GMPR: variants seen among roughly 807,000 people sequenced by gnomAD.
The protein encoded by GMPR is GMP reductase 1.
In GMPR, 31 loss-of-function variants were observed where a neutral mutation model predicts 38.4. The observed-to-expected ratio is 0.81, with a 90% CI of 0.61 to 1.09. The LOEUF (loss-of-function observed/expected upper bound fraction) is 1.09, where lower values mean the gene tolerates loss of function less well. Among genes scored for constraint, GMPR ranks in the 50% least tolerant of loss-of-function variants. GMPR has a pLI of 0.00. For synonymous variants in GMPR, 162 were observed against 173.3 expected (o/e 0.93, Z 0.51); for missense variants, 468 against 453.7 (o/e 1.03, Z -0.29).
At chr6:16,244,304 C>T (rs865797439) in intron 1 of GMPR, among the ~76,000 whole-genome samples, 9 of 151,562 alleles carry the variant, frequency 5.9e-5, no homozygotes, top group African/African-American at 9.7e-5. Flanking sequence ...CCTCAGCCTC[C>T]GGTGTTCAAT....
chr6:16,246,411 G>A (rs985767940), intron 1 of GMPR, among the ~76,000 whole-genome samples: 1 of 152,218 alleles, frequency 6.6e-6, no homozygotes, highest in Non-Finnish European at 1.5e-5. Context: ...TTAATTGTGT[G>A]GCGCTCACTG....
chr6:16,290,308 CAGG>C (rs937138459), intron 7 of GMPR, 151 bp from the exon 8 acceptor site: 10 of 700,268 alleles, frequency 1.4e-5, no homozygotes, highest in Non-Finnish European at 2.5e-5. Context: ...TCCCTTTTTC[CAGG>C]AGGAGACAGG....
chr6:16,289,985 A>G (rs997345993), intron 7 of GMPR: 1 of 145,008 alleles, frequency 6.9e-6, no homozygotes, highest in Non-Finnish European at 1.5e-5. Context: ...TTTCCGGCTA[A>G]TTTTTGTATT....
chr6:16,276,433 C>A (rs780699251), intron 5 of GMPR, among the ~76,000 whole-genome samples: 7 of 152,126 alleles, frequency 4.6e-5, no homozygotes, highest in South Asian at 2.1e-4. Flanking sequence ...GGCCTCCCAA[C>A]GTGCTGGGAT....
intron 8 of GMPR, among the ~76,000 whole-genome samples, chr6:16,293,167 C>T (rs1046797163): frequency 3.3e-5 from 5 of 152,114 alleles, no homozygotes; most frequent in Admixed American, 2.0e-4. Flanking sequence ...ACGCTGTGCC[C>T]GGGAGGCAAA....
intron 3 of GMPR, among the ~76,000 whole-genome samples, chr6:16,253,458 G>A (rs1163116637): frequency 4.6e-5 from 7 of 152,152 alleles, no homozygotes; most frequent in African/African-American, 2.4e-5. Flanking sequence ...GGTGGAAGGC[G>A]AAGTGGGAGA....
chr6:16,273,507 A>G (rs1252518413), intron 4 of GMPR, among the ~76,000 whole-genome samples: 1 of 152,152 alleles, frequency 6.6e-6, no homozygotes, highest in Non-Finnish European at 1.5e-5. Flanking sequence ...AGATTCTGCC[A>G]CTTCCTGGAG....
intron 4 of GMPR, among the ~76,000 whole-genome samples, chr6:16,261,761 A>G (rs1561824358): frequency 2.0e-5 from 3 of 151,954 alleles, no homozygotes; most frequent in Admixed American, 6.6e-5. Flanking sequence ...GGTAAGGGTT[A>G]TTAGGTTTTA....
chr6:16,288,664 G>A (rs1375594793), intron 7 of GMPR, among the ~76,000 whole-genome samples: 1 of 152,234 alleles, frequency 6.6e-6, no homozygotes, highest in African/African-American at 2.4e-5. Flanking sequence ...GGACTGGTGG[G>A]CAGCTCCATC....
intron 1 of GMPR, among the ~76,000 whole-genome samples, chr6:16,241,251 G>A (rs2113664854): frequency 6.6e-6 from 1 of 152,232 alleles, no homozygotes; most frequent in South Asian, 2.1e-4. Flanking sequence ...AGGGAGGAGG[G>A]TTTTGACAGC....
chr6:16,260,023 G>C lies in GMPR; in HGVS notation c.465+5288G>C, dbSNP rs534576062. Among the ~76,000 whole-genome samples, 85 of 152,230 alleles carry C rather than the reference G, an allele frequency of 5.6e-4. 1 individual carries two copies. Among genetic ancestry groups the C allele is most frequent in the Middle Eastern group, 3.4e-3 (1 of 294 alleles). ...TTTTTTTGGGGCACAGTCTAAGTTG[G>C]TCTGGTGTCTGGAATGAGACTGGGG... On this transcript the variant is annotated intron_variant, in intron 4 of 8. Transcript: ENST00000259727.
In GMPR at chr6:16,254,570, C is replaced by T. The variant is rs758501026; in HGVS notation, c.300C>T (p.Ala100=). ...GGTTTATTTTGGTGCAGAATGTAGCCGTGAGTTCAGGCAGTGGGCAGAATG... is the reference window on the plus strand; with the variant it reads ...GGTTTATTTTGGTGCAGAATGTAGCTGTGAGTTCAGGCAGTGGGCAGAATG... ...TNHPECLQNV[A]VSSGSGQNDL... The change falls in exon 4 of 9, where the codon GCC becomes GCT. Residue 100 remains alanine, a synonymous_variant. Transcript: ENST00000259727. 1.2e-5 allele frequency: 19 copies of T among 1,613,488 alleles called. No homozygotes were observed. The highest frequency in any genetic ancestry group is 2.7e-5 in the African/African-American group (2 of 74,894).
At position 16,273,811 on chromosome 6, in the gene GMPR, A is replaced by ATTT. The variant is rs772416416; in HGVS notation, c.466-584_466-582dup. Among the ~76,000 whole-genome samples the ATTT allele has an allele frequency of 1.2e-3, 133 of 112,812 alleles. 1 individual carries two copies. The highest frequency in any genetic ancestry group is 3.5e-3 in the African/African-American group (96 of 27,296). 74.0% of individuals were successfully genotyped at this position (112,812 alleles called of 152,430 possible). On this transcript the variant is annotated intron_variant, in intron 4 of 8. Coordinates refer to ENST00000259727, the MANE Select transcript of GMPR (RefSeq NM_006877.4). ...TTTTGTATTTGGGGGTCCCTCTAAG[A>ATTT]TTTTTTTTTTTTTTTTTTTTTTGAG... is the stretch of plus-strand genomic sequence containing the variant.
At position 16,279,238 on chromosome 6, in the gene GMPR, C is replaced by T. The variant is rs536480165; in HGVS notation, c.654+348C>T. 1.8e-4 allele frequency among the ~76,000 whole-genome samples: 28 copies of T among 152,302 alleles called. No individual in the cohort carries two copies. The South Asian group carries it at 3.5e-3, about 19-fold the overall frequency. ...TTTCAGTGTCTCACCATTCTGGAGA[C>T]GAGAAGCCCAACATCAGGGTGTTGG... is the stretch of plus-strand genomic sequence containing the variant. On this transcript the variant is annotated intron_variant, in intron 6 of 8. Coordinates refer to ENST00000259727, the MANE Select transcript of GMPR (RefSeq NM_006877.4).
intron 4 of GMPR, among the ~76,000 whole-genome samples, chr6:16,267,470 G>T (rs966774017): frequency 6.6e-6 from 1 of 151,076 alleles, no homozygotes; most frequent in Admixed American, 6.6e-5. Context: ...AACTCCGGAC[G>T]GTGCCACTTT....
intron 4 of GMPR, among the ~76,000 whole-genome samples, chr6:16,272,389 A>G (rs1759402782): frequency 6.6e-6 from 1 of 152,168 alleles, no homozygotes; most frequent in South Asian, 2.1e-4. Context: ...AGAGAATCTT[A>G]GAAGAATTAT....
chr6:16,289,848 A>ATTTTTTTTTTTTTTTTTTTTTTTTTT (rs546450494), intron 7 of GMPR: 4 of 63,186 alleles, frequency 6.3e-5, no homozygotes, highest in African/African-American at 2.1e-4. Flanking sequence ...ATACTGCCCA[A>ATTTTTTTTTTTTTTTTTTTTTTTTTT]TTTTTTTTTT....
chr6:16,260,162 TTTA>T (rs962182296), intron 4 of GMPR, among the ~76,000 whole-genome samples: 3 of 151,998 alleles, frequency 2.0e-5, no homozygotes, highest in African/African-American at 7.2e-5. Context: ...TCCAGTCCTT[TTTA>T]AGTTGGTGGC....
In GMPR at chr6:16,295,059, CTA is replaced by C; in HGVS notation, c.913_914del (p.Ile305ProfsTer75). On this transcript the variant is annotated frameshift_variant, in exon 9 of 9. Transcript: ENST00000259727. LOFTEE classifies it high-confidence loss of function. The stretch of plus-strand genomic sequence containing the variant: ...CCTTACAAAGGAGATGTGGAAAACA[CTA>C]TCCTGGATATTCTCGGGGGACTGAG... 6.2e-7 allele frequency: 1 copy of C among 1,608,708 alleles called. No individual in the cohort carries two copies. Among genetic ancestry groups the C allele is most frequent in the Non-Finnish European group, 8.5e-7 (1 of 1,177,688 alleles).
Sources: gnomAD v4.1 joint callset for allele counts (sites outside exome capture counted in the v4.1 genomes callset) on GRCh38, gnomAD v4.1.1 for gene constraint, MANE v1.5 for transcripts, NCBI Gene and HGNC (gene_info 2026-07-23, HGNC 2026-07-21) for gene names.